Variants in SORCS3 observed in about 807,000 individuals in gnomAD.
SORCS3 encodes the protein sortilin related VPS10 domain containing receptor 3, also known as VPS10 domain-containing receptor SorCS3.
Under a neutral mutation model 146.3 loss-of-function variants are expected in SORCS3, and 57 were observed. The observed-to-expected ratio is 0.39, with a 90% CI of 0.31 to 0.49. The LOEUF is 0.49. SORCS3 is among the 20% of genes least tolerant of loss of function. The pLI, the probability that SORCS3 is intolerant of heterozygous loss-of-function variation, is 0.92. For synonymous variants in SORCS3, 653 were observed against 618.5 expected, an observed-to-expected ratio of 1.06 and a Z score of -0.83; for missense variants, 1,341 against 1,575.5, an observed-to-expected ratio of 0.85 and a Z score of 2.52.
intron 2 of SORCS3, among the ~76,000 whole-genome samples, chr10:104,914,275 G>T (rs925624842): frequency 7.9e-5 from 12 of 152,192 alleles, no homozygotes; most frequent in African/African-American, 2.9e-4. Flanking sequence ...AGAGCATAGA[G>T]AAATCAATCA....
intron 4 of SORCS3, among the ~76,000 whole-genome samples, chr10:105,022,444 C>A (rs2055203818): frequency 6.7e-6 from 1 of 149,028 alleles, no homozygotes; most frequent in African/African-American, 2.5e-5. Context: ...ATTACAGGTG[C>A]CCACCACCAC....
At chr10:104,753,382 T>C (rs2017010929) in intron 1 of SORCS3, among the ~76,000 whole-genome samples, 1 of 152,212 alleles carries the variant, frequency 6.6e-6, no homozygotes, top group South Asian at 2.1e-4. Flanking sequence ...TCTACATTCA[T>C]GTAGAATGAT....
chr10:104,802,335 T>A (rs1215082254), intron 1 of SORCS3, among the ~76,000 whole-genome samples: 1 of 152,122 alleles, frequency 6.6e-6, no homozygotes, highest in East Asian at 1.9e-4. Context: ...AAAGATGAGA[T>A]TTTATAGGGT....
intron 1 of SORCS3, among the ~76,000 whole-genome samples, chr10:104,764,002 CTTT>C (rs58439388): frequency 7.0e-6 from 1 of 142,884 alleles, no homozygotes; most frequent in Admixed American, 7.0e-5. Flanking sequence ...TCAATTAAAC[CTTT>C]TTTTTTTTTT....
In SORCS3 at chr10:105,110,509, A is replaced by G. The variant is rs180945129; in HGVS notation, c.1212+4994A>G. ...TTTTAATGCTGTGAGTTCTTCCCAG[A>G]AAAAGTATTTGAGGAGGTTCATTTT... is the stretch of plus-strand genomic sequence containing the variant. On this transcript the variant is annotated intron_variant, in intron 7 of 26. Coordinates refer to ENST00000369701, the MANE Select transcript of SORCS3 (RefSeq NM_014978.3). Among the ~76,000 whole-genome samples, 3 of 152,182 alleles carry G rather than the reference A, an allele frequency of 2.0e-5. No homozygotes were observed. In the East Asian group the frequency reaches 5.8e-4, roughly 29 times the overall value.
At chr10:104,726,880 A>G (rs1021770472) in intron 1 of SORCS3, among the ~76,000 whole-genome samples, 3 of 152,098 alleles carry the variant, frequency 2.0e-5, no homozygotes, top group Admixed American at 6.5e-5. Context: ...GCTACTTGGG[A>G]TGCAAGACTT....
chr10:104,822,016 C>T (rs1489415259), intron 1 of SORCS3: 1 of 490,836 alleles, frequency 2.0e-6, no homozygotes, highest in Non-Finnish European at 4.0e-6. Context: ...CACTTTCATA[C>T]CATCTCAGCC....
intron 4 of SORCS3, among the ~76,000 whole-genome samples, chr10:105,023,483 C>T (rs1001268158): frequency 2.9e-4 from 44 of 152,118 alleles, no homozygotes; most frequent in Non-Finnish European, 4.4e-5. Flanking sequence ...GAAAACATCT[C>T]CTGGTCTTCC....
chr10:105,257,160 G>A (rs1044822518), intron 25 of SORCS3, among the ~76,000 whole-genome samples: 1 of 152,094 alleles, frequency 6.6e-6, no homozygotes, highest in African/African-American at 2.4e-5. Context: ...ATAAAGACTG[G>A]CCAATGAAAT....
intron 14 of SORCS3, among the ~76,000 whole-genome samples, chr10:105,191,843 G>T (rs986906652): frequency 1.3e-5 from 2 of 152,272 alleles, no homozygotes; most frequent in African/African-American, 4.8e-5. Context: ...AGGCAGTAAT[G>T]CTCGCTCCCT....
At chr10:105,106,275 T>G (rs1239293696) in intron 7 of SORCS3, among the ~76,000 whole-genome samples, 1 of 152,190 alleles carries the variant, frequency 6.6e-6, no homozygotes. Context: ...ACAGGAAAGT[T>G]GAACTTTGAA....
At chr10:104,970,568 T>C (rs1477700220) in intron 3 of SORCS3, among the ~76,000 whole-genome samples, 1 of 152,168 alleles carries the variant, frequency 6.6e-6, no homozygotes, top group East Asian at 1.9e-4. Context: ...CATAGTGCCA[T>C]GGGAAGAGGA....
At chr10:105,094,457 A>G (rs899731090) in intron 6 of SORCS3, among the ~76,000 whole-genome samples, 1 of 152,206 alleles carries the variant, frequency 6.6e-6, no homozygotes, top group Non-Finnish European at 1.5e-5. Flanking sequence ...TGCTTTTCTC[A>G]TTCATTCATT....
chr10:104,735,472 TTTTTTA>T (rs1589478367), intron 1 of SORCS3, among the ~76,000 whole-genome samples: 3 of 142,374 alleles, frequency 2.1e-5, no homozygotes, highest in African/African-American at 7.8e-5. Flanking sequence ...TTTTTTTTTT[TTTTTTA>T]ATCAATCCCT....
intron 16 of SORCS3, among the ~76,000 whole-genome samples, chr10:105,208,898 A>G (rs1589689374): frequency 6.6e-6 from 1 of 152,084 alleles, no homozygotes. Context: ...TGACCAAAAC[A>G]TTTACTTGGC....
chr10:104,864,153 T>C (rs1183507549), intron 2 of SORCS3, among the ~76,000 whole-genome samples: 3 of 152,202 alleles, frequency 2.0e-5, no homozygotes, highest in African/African-American at 4.8e-5. Flanking sequence ...CTGAATATGA[T>C]ACTTTGAGTA....
At chr10:104,765,249 C>T in intron 1 of SORCS3, among the ~76,000 whole-genome samples, 1 of 152,338 alleles carries the variant, frequency 6.6e-6, no homozygotes, top group African/African-American at 2.4e-5. Context: ...ACAGTTTCCT[C>T]AACTCTCCTT....
chr10:105,196,303 G>A (rs2056543834), intron 14 of SORCS3, among the ~76,000 whole-genome samples: 1 of 152,160 alleles, frequency 6.6e-6, no homozygotes, highest in Non-Finnish European at 1.5e-5. Flanking sequence ...ACCTTTGTCT[G>A]TTAGAAAGTT....
rs7902868 is a variant in SORCS3 at position 104,779,386 on chromosome 10, G to A, written c.628-63406G>A. The stretch of plus-strand genomic sequence containing the variant: ...AGGCATTGCAGAGTGACACAAGGAA[G>A]TTGGACACCTACCACCTGACTGATG... On this transcript the variant is annotated intron_variant, in intron 1 of 26. Transcript: ENST00000369701. Among the ~76,000 whole-genome samples, 608 of 152,310 alleles carry A rather than the reference G, an allele frequency of 4.0e-3. 3 individuals carry two copies. Among genetic ancestry groups the A allele is most frequent in the African/African-American group, 0.013 (557 of 41,566 alleles).
Sources: gnomAD v4.1 joint callset for allele counts (sites outside exome capture counted in the v4.1 genomes callset) on GRCh38, gnomAD v4.1.1 for gene constraint, MANE v1.5 for transcripts, NCBI Gene and HGNC (gene_info 2026-07-23, HGNC 2026-07-21) for gene names.